The following MICU1 variants were observed in gnomAD, a reference collection of about 807,000 sequenced individuals.
MICU1 encodes mitochondrial calcium uptake 1.
A neutral mutation model predicts 56.8 loss-of-function variants in MICU1; 45 were observed. The ratio of observed to expected loss-of-function variants is 0.79; its 90% CI spans 0.62 to 1.02. The LOEUF (loss-of-function observed/expected upper bound fraction) is 1.02. Among genes scored for constraint, MICU1 ranks in the 50% least tolerant of loss-of-function variants. MICU1 has a pLI of 0.00. For missense variants in MICU1, 504 were observed against 587.1 expected, an observed-to-expected ratio of 0.86 and a Z score of 1.46; for synonymous variants, 186 against 195.1, an observed-to-expected ratio of 0.95 and a Z score of 0.39.
intron 6 of MICU1, among the ~76,000 whole-genome samples, chr10:72,507,427 G>A (rs1340150042): frequency 2.6e-5 from 4 of 152,272 alleles, no homozygotes; most frequent in Non-Finnish European, 5.9e-5. Flanking sequence ...TGAGTTTTGT[G>A]TCTTCAGAAG....
chr10:72,585,985 A>G (rs376388518), intron 1 of MICU1, among the ~76,000 whole-genome samples: 3 of 71,946 alleles, frequency 4.2e-5, no homozygotes, highest in Non-Finnish European at 9.8e-5. Context: ...TTTTCATTGT[A>G]TTGTTTTTAT....
chr10:72,440,651 C>A (rs939559073), intron 8 of MICU1, among the ~76,000 whole-genome samples: 6 of 152,228 alleles, frequency 3.9e-5, no homozygotes, highest in Non-Finnish European at 5.9e-5. Context: ...ATCTACTCAT[C>A]TGACAAAGGG....
intron 5 of MICU1, chr10:72,531,407 T>A (rs1839478525): frequency 6.6e-6 from 1 of 152,102 alleles, no homozygotes; most frequent in Non-Finnish European, 1.5e-5. Flanking sequence ...ATTTTCTGGA[T>A]GAGAGAACAA....
chr10:72,589,811 C>T (rs1277787876), intron 1 of MICU1, among the ~76,000 whole-genome samples: 1 of 151,954 alleles, frequency 6.6e-6, no homozygotes, highest in Non-Finnish European at 1.5e-5. Flanking sequence ...TATTTTTAAA[C>T]GATCATTAGA....
At chr10:72,509,349 C>CA (rs765727462) in intron 5 of MICU1, 9 of 1,325,134 alleles carry the variant, frequency 6.8e-6, no homozygotes, top group Non-Finnish European at 8.9e-6. Context: ...ACTAAACCAA[C>CA]AAGCACCATC....
intron 10 of MICU1, among the ~76,000 whole-genome samples, chr10:72,377,215 G>T (rs896708734): frequency 6.6e-6 from 1 of 152,066 alleles, no homozygotes; most frequent in Non-Finnish European, 1.5e-5. Context: ...TGCCTTCCGG[G>T]TTCAAACAAT....
chr10:72,518,965 G>A (rs573201632), intron 5 of MICU1, among the ~76,000 whole-genome samples: 2 of 152,326 alleles, frequency 1.3e-5, no homozygotes, highest in African/African-American at 2.4e-5. Context: ...ACAGGCGTGA[G>A]CCACTGCTCC....
chr10:72,568,800 T>C (rs1840513423), intron 1 of MICU1, among the ~76,000 whole-genome samples: 1 of 137,032 alleles, frequency 7.3e-6, no homozygotes, highest in Admixed American at 8.5e-5. Context: ...TCACCCAGGC[T>C]GGAGTACAGT....
chr10:72,408,256 C>T (rs1863694157), intron 9 of MICU1, among the ~76,000 whole-genome samples: 2 of 152,332 alleles, frequency 1.3e-5, no homozygotes, highest in South Asian at 4.1e-4. Flanking sequence ...GCTTCCCTCT[C>T]ACACGTAAAA....
chr10:72,475,719 G>A (rs138557312), intron 7 of MICU1: 4,238 of 372,886 alleles, frequency 0.011, 109 homozygotes, highest in South Asian at 0.05. Flanking sequence ...GTGAGCCACC[G>A]CGCCCAGCCT....
intron 4 of MICU1, among the ~76,000 whole-genome samples, chr10:72,545,400 G>A (rs145530088): frequency 3.3e-4 from 51 of 152,274 alleles, no homozygotes; most frequent in African/African-American, 8.7e-4. Context: ...TTGGTTTTAC[G>A]TATTTTAGGA....
chr10:72,612,962 A>G (rs992193476), intron 1 of MICU1, among the ~76,000 whole-genome samples: 5 of 152,108 alleles, frequency 3.3e-5, no homozygotes, highest in Admixed American at 3.3e-4. Context: ...TATAAAGAAA[A>G]ACTAGAAATA....
At chr10:72,611,302 A>G (rs962978281) in intron 1 of MICU1, among the ~76,000 whole-genome samples, 16 of 119,178 alleles carry the variant, frequency 1.3e-4, no homozygotes, top group Middle Eastern at 8.7e-3. Context: ...GACTCCCTTT[A>G]AAAAAAAAAA....
At chr10:72,548,652 T>C (rs944818964) in intron 4 of MICU1, among the ~76,000 whole-genome samples, 1 of 152,250 alleles carries the variant, frequency 6.6e-6, no homozygotes, top group Non-Finnish European at 1.5e-5. Flanking sequence ...TTATATTTTC[T>C]ACTTTTCATG....
chr10:72,502,154 T>TG (rs1554881990), intron 6 of MICU1, among the ~76,000 whole-genome samples: 1 of 103,362 alleles, frequency 9.7e-6, no homozygotes, highest in Admixed American at 9.2e-5. Context: ...CTGTTTTTTT[T>TG]TTTGTTTTTT....
At chr10:72,370,715 T>C (rs1199872809) in intron 11 of MICU1, among the ~76,000 whole-genome samples, 1 of 152,172 alleles carries the variant, frequency 6.6e-6, no homozygotes, top group Non-Finnish European at 1.5e-5. Flanking sequence ...TTTAAAAATT[T>C]ACCAAGCTGT....
rs1003193056 is a variant in MICU1, at chr10:72,380,537, C to T, written c.1181-4665G>A. 6.6e-5 allele frequency among the ~76,000 whole-genome samples: 10 copies of T among 152,160 alleles called. 1 individual carries two copies. The South Asian group carries it at 2.1e-3, about 31-fold the overall frequency. ...ACCCTGAGTTTGTGTGATATAATAT[C>T]AGAAACTACATACATAAATCTATTC... On this transcript the variant is annotated intron_variant, in intron 10 of 11. Transcript: ENST00000361114.
rs1291899733 is a variant in MICU1, at chr10:72,432,294, A to C, written c.934-8923T>G. On this transcript the variant is annotated intron_variant, in intron 8 of 11. Transcript: ENST00000361114. Reference sequence around the variant, plus strand: ...AAAATTTAATACAAATAAATATAAAAACCAAATTTTCTTTTTGTAGAGACG... The same window carrying C: ...AAAATTTAATACAAATAAATATAAACACCAAATTTTCTTTTTGTAGAGACG... 2.6e-5 allele frequency among the ~76,000 whole-genome samples: 4 copies of C among 151,912 alleles called. 1 individual carries two copies. Among genetic ancestry groups the C allele is most frequent in the Non-Finnish European group, 5.9e-5 (4 of 67,968 alleles).
chr10:72,484,911 C>T (rs1256140547), intron 6 of MICU1, among the ~76,000 whole-genome samples: 3 of 127,246 alleles, frequency 2.4e-5, no homozygotes, highest in Admixed American at 1.6e-4. Context: ...AAGTCTGGAA[C>T]AAGGGTTGGT....
Sources: allele counts gnomAD v4.1 joint callset (sites outside exome capture counted in the v4.1 genomes callset), GRCh38; gene constraint gnomAD v4.1.1; transcripts MANE v1.5; gene names NCBI Gene and HGNC (gene_info 2026-07-23, HGNC 2026-07-21).